Variants in PMFBP1 observed in about 807,000 individuals in gnomAD.
PMFBP1 encodes polyamine-modulated factor 1-binding protein 1.
PMFBP1 carries 131 observed loss-of-function variants against 137.8 expected under a neutral mutation model. The observed-to-expected ratio is 0.95, with a 90% confidence interval of 0.82 to 1.10. The LOEUF is 1.10. Among genes scored for constraint, PMFBP1 ranks in the 50% least tolerant of loss-of-function variants. The pLI, the probability that PMFBP1 is intolerant of heterozygous loss-of-function variation, is 0.00. For synonymous variants in PMFBP1, 490 were observed against 450.4 expected (o/e 1.09, Z -1.11); for missense variants, 1,199 against 1,175.4 (o/e 1.02, Z -0.29).
upstream of PMFBP1, among the ~76,000 whole-genome samples, chr16:72,181,847 CTG>C (rs2043277329): frequency 2.0e-5 from 3 of 152,194 alleles, no homozygotes; most frequent in Admixed American, 1.3e-4. Flanking sequence ...ACTGATTGTG[CTG>C]TGTTTACATT....
chr16:72,208,730 C>T, the PMFBP1 span, among the ~76,000 whole-genome samples: 12 of 152,312 alleles, frequency 7.9e-5, no homozygotes, highest in African/African-American at 2.6e-4. Context: ...TGGATGTTTC[C>T]TGTCAGCGTC....
chr16:72,209,011 G>A, the PMFBP1 span, among the ~76,000 whole-genome samples: 1 of 152,200 alleles, frequency 6.6e-6, no homozygotes, highest in African/African-American at 2.4e-5. Context: ...TAGAATCCTA[G>A]TTCCATGTTT....
the PMFBP1 span, among the ~76,000 whole-genome samples, chr16:72,190,950 T>C: frequency 6.6e-6 from 1 of 152,178 alleles, no homozygotes; most frequent in African/African-American, 2.4e-5. Flanking sequence ...GTTGAATGAA[T>C]GAATGGGTCT....
the PMFBP1 span, among the ~76,000 whole-genome samples, chr16:72,221,076 C>T: frequency 6.6e-6 from 1 of 151,850 alleles, no homozygotes; most frequent in South Asian, 2.1e-4. Flanking sequence ...GCGCTGAGAA[C>T]ACCAAAAGCC....
intron 3 of PMFBP1, among the ~76,000 whole-genome samples, chr16:72,157,857 G>A (rs1348971059): frequency 1.3e-5 from 2 of 152,192 alleles, no homozygotes; most frequent in Non-Finnish European, 2.9e-5. Context: ...AAGTGGTTGG[G>A]TTCTAGATGT....
At chr16:72,129,389 C>T (rs376304849) in intron 12 of PMFBP1, among the ~76,000 whole-genome samples, 156 bp from the exon 13 acceptor site, 1 of 152,200 alleles carries the variant, frequency 6.6e-6, no homozygotes, top group South Asian at 2.1e-4. Flanking sequence ...CCTCCAACGC[C>T]TGTAACATTT....
chr16:72,224,179 T>C, the PMFBP1 span, among the ~76,000 whole-genome samples: 14 of 152,338 alleles, frequency 9.2e-5, no homozygotes, highest in East Asian at 2.5e-3. Flanking sequence ...CTTGGCCTCA[T>C]GTCCAAATCG....
chr16:72,135,796 G>C (rs1432042886), intron 9 of PMFBP1, among the ~76,000 whole-genome samples: 3 of 137,628 alleles, frequency 2.2e-5, no homozygotes, highest in African/African-American at 8.6e-5. Context: ...GTCCAGGCTG[G>C]AGTGCATGGC....
intron 19 of PMFBP1, among the ~76,000 whole-genome samples, chr16:72,121,210 G>A (rs1198513866): frequency 6.6e-6 from 1 of 152,074 alleles, no homozygotes; most frequent in Non-Finnish European, 1.5e-5. Context: ...CTCTTCTGTG[G>A]GCATATGCTC....
chr16:72,186,146 G>A, the PMFBP1 span, among the ~76,000 whole-genome samples: 4 of 152,086 alleles, frequency 2.6e-5, no homozygotes, highest in Non-Finnish European at 5.9e-5. Flanking sequence ...GACTACTCTG[G>A]TCCAGTCAAG....
the PMFBP1 span, among the ~76,000 whole-genome samples, chr16:72,210,350 C>T: frequency 2.6e-5 from 4 of 152,160 alleles, no homozygotes; most frequent in African/African-American, 9.7e-5. Flanking sequence ...AACAAGTTGG[C>T]ATTTTGGTGT....
chr16:72,122,374 C>G (rs530483856), intron 19 of PMFBP1, among the ~76,000 whole-genome samples: 1 of 152,298 alleles, frequency 6.6e-6, no homozygotes, highest in Admixed American at 6.5e-5. Context: ...CAGTTTTAGG[C>G]CTTCATACCT....
chr16:72,230,308 GAAGA>G, the PMFBP1 span, among the ~76,000 whole-genome samples: 1 of 152,140 alleles, frequency 6.6e-6, no homozygotes, highest in Non-Finnish European at 1.5e-5. Flanking sequence ...TTGTCACATG[GAAGA>G]TAGAGAAATC....
the PMFBP1 span, among the ~76,000 whole-genome samples, chr16:72,233,904 G>A: frequency 6.6e-6 from 1 of 152,106 alleles, no homozygotes; most frequent in Admixed American, 6.6e-5. Flanking sequence ...TTGTTAACAG[G>A]TGTCAGTATT....
At chr16:72,120,385 G>T (rs561639959) in intron 19 of PMFBP1, among the ~76,000 whole-genome samples, 2 of 152,260 alleles carry the variant, frequency 1.3e-5, no homozygotes, top group East Asian at 3.9e-4. Context: ...TGACTGATGG[G>T]ATTCATACGA....
the PMFBP1 span, among the ~76,000 whole-genome samples, chr16:72,234,382 A>G: frequency 6.6e-6 from 1 of 152,182 alleles, no homozygotes; most frequent in Non-Finnish European, 1.5e-5. Flanking sequence ...ATTCGTACAA[A>G]CACAGAAACT....
chr16:72,179,593 G>GT (rs950259033), upstream of PMFBP1, among the ~76,000 whole-genome samples: 3 of 148,472 alleles, frequency 2.0e-5, no homozygotes, highest in African/African-American at 7.6e-5. Context: ...AAGTATTTTT[G>GT]TTAAAAAAAA....
the PMFBP1 span, among the ~76,000 whole-genome samples, chr16:72,197,834 C>A: frequency 6.6e-6 from 1 of 152,130 alleles, no homozygotes; most frequent in South Asian, 2.1e-4. Context: ...GTTTTTAGGG[C>A]CACTTCTGTC....
At chr16:72,203,309 T>A in the PMFBP1 span, among the ~76,000 whole-genome samples, 20 of 152,350 alleles carry the variant, frequency 1.3e-4, no homozygotes, top group South Asian at 3.5e-3. Flanking sequence ...CTGGAGCATG[T>A]CTGGTCACTT....
Sources: allele counts gnomAD v4.1 joint callset (sites outside exome capture counted in the v4.1 genomes callset), GRCh38; gene constraint gnomAD v4.1.1; transcripts MANE v1.5; gene names NCBI Gene and HGNC (gene_info 2026-07-23, HGNC 2026-07-21).